PRDM11: variants seen among roughly 807,000 people sequenced by gnomAD.
PRDM11 encodes PR domain-containing protein 11.
In PRDM11, 20 loss-of-function variants were observed where a neutral mutation model predicts 97.8. The ratio of observed to expected loss-of-function variants is 0.20; its 90% CI spans 0.14 to 0.30. PRDM11 has a LOEUF of 0.30. Among genes scored for constraint, PRDM11 ranks in the 10% least tolerant of loss-of-function variants. PRDM11 has a pLI of 1.00. For missense variants in PRDM11, 1,139 were observed against 1,555.2 expected, an observed-to-expected ratio of 0.73 and a Z score of 4.50; for synonymous variants, 599 against 637.7, an observed-to-expected ratio of 0.94 and a Z score of 0.91.
At chr11:45,224,969 C>T in intron 7 of PRDM11, 126 bp downstream of exon 7, 1 of 1,545,174 alleles carries the variant, frequency 6.5e-7, no homozygotes, top group Non-Finnish European at 8.7e-7. Flanking sequence ...GTGGAGGCGG[C>T]TACCTCCGTG....
At chr11:45,113,931 T>C (rs1312536679) in intron 1 of PRDM11, among the ~76,000 whole-genome samples, 2 of 151,954 alleles carry the variant, frequency 1.3e-5, no homozygotes, top group Non-Finnish European at 2.9e-5. Context: ...TCTTTAGAGT[T>C]TTCTAGGTAT....
chr11:45,119,683 G>T (rs1852387764), intron 1 of PRDM11, among the ~76,000 whole-genome samples: 1 of 148,356 alleles, frequency 6.7e-6, no homozygotes, highest in Admixed American at 6.7e-5. Context: ...AGAATAGGCA[G>T]GTACCAGTGG....
intron 1 of PRDM11, among the ~76,000 whole-genome samples, chr11:45,115,723 A>T (rs759390391): frequency 8.5e-5 from 13 of 152,072 alleles, no homozygotes; most frequent in Non-Finnish European, 1.9e-4. Context: ...TGACGTCAGG[A>T]GTTCGAGATC....
chr11:45,197,002 G>A (rs960559674), intron 4 of PRDM11, among the ~76,000 whole-genome samples: 6 of 152,194 alleles, frequency 3.9e-5, no homozygotes, highest in Admixed American at 3.3e-4. Flanking sequence ...CTTAGCATGT[G>A]ATGAGCAGAT....
chr11:45,159,381 G>A (rs1040679583), intron 1 of PRDM11, among the ~76,000 whole-genome samples: 2 of 152,250 alleles, frequency 1.3e-5, no homozygotes, highest in Non-Finnish European at 2.9e-5. Context: ...TGTCTGAGGC[G>A]TGGGTGGGCC....
rs1378229586 is a variant in PRDM11, at chr11:45,192,091, T to C, written c.486+8968T>C. Among the ~76,000 whole-genome samples the C allele has an allele frequency of 2.0e-5, 3 of 152,032 alleles. No individual in the cohort carries two copies. The East Asian group carries it at 5.8e-4, about 29-fold the overall frequency. On this transcript the variant is annotated intron_variant, in intron 4 of 7. Coordinates refer to ENST00000683152, the MANE Select transcript of PRDM11 (RefSeq NM_001384648.1). ...GCCGAACTAGGTTTTGAGGGAGGGA[T>C]GGATGAGTTGATGCAAATGTCCTAC...
intron 1 of PRDM11, among the ~76,000 whole-genome samples, chr11:45,129,572 C>T (rs1436215717): frequency 6.6e-6 from 1 of 151,988 alleles, no homozygotes; most frequent in African/African-American, 2.4e-5. Context: ...AGAATACATA[C>T]AATGAAAAAT....
chr11:45,162,920 G>A (rs1851965132), intron 1 of PRDM11, among the ~76,000 whole-genome samples: 1 of 152,234 alleles, frequency 6.6e-6, no homozygotes, highest in African/African-American at 2.4e-5. Flanking sequence ...CTGCATGTCG[G>A]TTTTCTCACC....
intron 5 of PRDM11, chr11:45,216,162 G>GCAC (rs1300636627): frequency 2.6e-5 from 4 of 152,550 alleles, no homozygotes; most frequent in African/African-American, 9.7e-5. Flanking sequence ...GCCATCAGCA[G>GCAC]CACCACCACC....
At chr11:45,194,589 TCTG>T (rs1393212874) in intron 4 of PRDM11, among the ~76,000 whole-genome samples, 3 of 91,554 alleles carry the variant, frequency 3.3e-5, no homozygotes, top group Admixed American at 1.0e-4. Context: ...GTTATTATCT[TCTG>T]TTTTTTTTTT....
At position 45,224,140 on chromosome 11, in the gene PRDM11, G is replaced by A; in HGVS notation, c.743-77G>A. The A allele has an allele frequency of 2.7e-6, 4 of 1,483,732 alleles. No individual in the cohort carries two copies. The South Asian group carries it at 4.1e-5, about 15-fold the overall frequency. 91.9% of individuals were successfully genotyped at this position (1,483,732 alleles called of 1,614,324 possible). ...GGATGTGTCAGGTGACCTAACAGGA[G>A]GCCTGCTTTGTTTTCTGTTGGTTTC... On this transcript the variant is annotated intron_variant, in intron 6 of 7. Transcript: ENST00000683152.
chr11:45,151,620 A>G (rs1027442134), intron 1 of PRDM11, among the ~76,000 whole-genome samples: 56 of 152,264 alleles, frequency 3.7e-4, no homozygotes, highest in African/African-American at 1.4e-3. Flanking sequence ...CAGAGCTCAC[A>G]GATCAGCCTG....
At position 45,228,168 on chromosome 11, in the gene PRDM11, C is replaced by T. The variant is rs575425326; in HGVS notation, c.*9C>T. 4.7e-4 allele frequency: 710 copies of T among 1,507,086 alleles called. 2 individuals carry two copies. In the African/African-American group the frequency reaches 9.1e-3, roughly 19 times the overall value. 93.4% of individuals were successfully genotyped at this position (1,507,086 alleles called of 1,614,324 possible). A position where few individuals can be genotyped will look rare whatever the true frequency, so the allele number is the denominator to read the frequency against. ...TTTACCCCGACATTTAGGGAGCTGG[C>T]GCTGCAGAGTTCACTAAGCTGTTGA... On this transcript the variant is annotated 3_prime_UTR_variant, in exon 8 of 8. Transcript: ENST00000683152.
chr11:45,109,607 G>A (rs1389791934), intron 1 of PRDM11, among the ~76,000 whole-genome samples: 1 of 152,150 alleles, frequency 6.6e-6, no homozygotes, highest in African/African-American at 2.4e-5. Flanking sequence ...GCTCCACTGG[G>A]CCACAACCAA....
At chr11:45,095,896 G>A (rs1276522321) in exon 1 of PRDM11, 1 of 781,046 alleles carries the variant, frequency 1.3e-6, no homozygotes, top group South Asian at 1.3e-5. Context: ...TTACCAGAGA[G>A]AGAAAGTAAG....
At chr11:45,104,576 C>A (rs1053756425) in intron 1 of PRDM11, among the ~76,000 whole-genome samples, 1 of 152,182 alleles carries the variant, frequency 6.6e-6, no homozygotes, top group African/African-American at 2.4e-5. Context: ...ACAGACACTT[C>A]AGACCCCACC....
chr11:45,099,405 C>T (rs371799190), intron 1 of PRDM11, among the ~76,000 whole-genome samples: 23 of 142,082 alleles, frequency 1.6e-4, no homozygotes, highest in African/African-American at 5.6e-4. Flanking sequence ...GAGCCAAGAT[C>T]GTGCCACTGC....
Position 45,226,190 on chromosome 11 carries a change from C to A in PRDM11, c.1565C>A (p.Pro522Gln). The part of the protein sequence containing the change: ...LKKFWFLRYS[P>Q]TLNEMWCHVC... Reference sequence around the variant, plus strand: ...AAGTTCTGGTTCCTGCGGTACTCCCCAACCCTCAATGAGATGTGGTGCCAC... The same window carrying A: ...AAGTTCTGGTTCCTGCGGTACTCCCAAACCCTCAATGAGATGTGGTGCCAC... The change falls in exon 8 of 8, where the codon CCA becomes CAA. Residue 522 changes from proline (P) to glutamine (Q), a missense_variant. By Grantham distance (76) the Pro-to-Gln change is moderately conservative. Coordinates refer to ENST00000683152, the MANE Select transcript of PRDM11 (RefSeq NM_001384648.1). The A allele has an allele frequency of 1.3e-6, 2 of 1,533,704 alleles. No homozygotes were observed. Among genetic ancestry groups the A allele is most frequent in the Non-Finnish European group, 1.7e-6 (2 of 1,146,476 alleles).
At position 45,209,439 on chromosome 11, in the gene PRDM11, A is replaced by T. The variant is rs185788572; in HGVS notation, c.554+4661A>T. 1.4e-5 allele frequency: 4 copies of T among 277,628 alleles called. No individual in the cohort carries two copies. In the Admixed American group the frequency reaches 2.0e-4, roughly 14 times the overall value. 17.2% of individuals were successfully genotyped at this position (277,628 alleles called of 1,614,324 possible). On this transcript the variant is annotated intron_variant, in intron 5 of 7. Coordinates refer to ENST00000683152, the MANE Select transcript of PRDM11 (RefSeq NM_001384648.1). Reference sequence around the variant, plus strand: ...CTTTCCATCCTCCCCTCCTTCTCCCACTCTTCTCCTCTCCATCCCTTTTTG... The same window carrying T: ...CTTTCCATCCTCCCCTCCTTCTCCCTCTCTTCTCCTCTCCATCCCTTTTTG...
Sources: allele counts gnomAD v4.1 joint callset (sites outside exome capture counted in the v4.1 genomes callset), GRCh38; gene constraint gnomAD v4.1.1; transcripts MANE v1.5; gene names NCBI Gene and HGNC (gene_info 2026-07-23, HGNC 2026-07-21).